TDRKH: variants seen among roughly 807,000 people sequenced by gnomAD.
The protein encoded by TDRKH is tudor and KH domain-containing protein.
TDRKH carries 28 observed loss-of-function variants against 61.3 expected under a neutral mutation model. That is an observed-to-expected ratio of 0.46 (90% CI 0.34 to 0.63). The LOEUF is 0.63. Ranked by LOEUF, TDRKH falls within the 20% of genes least tolerant of loss-of-function variation. TDRKH has a pLI of 0.01. For missense variants in TDRKH, 540 were observed against 683.4 expected (o/e 0.79, Z 2.34); for synonymous variants, 219 against 244.4 (o/e 0.90, Z 0.97).
downstream of TDRKH, chr1:151,771,523 G>T: frequency 2.4e-6 from 1 of 411,622 alleles, no homozygotes. Context: ...ACCATTTACT[G>T]AGCACTAATC....
chr1:151,778,352 T>C (rs2101592623), intron 6 of TDRKH, among the ~76,000 whole-genome samples: 1 of 152,338 alleles, frequency 6.6e-6, no homozygotes, highest in South Asian at 2.1e-4. Context: ...AAGAAGTAGT[T>C]CAGGTTGGGT....
chr1:151,789,769 G>A (rs1650723562), intron 1 of TDRKH, among the ~76,000 whole-genome samples: 1 of 152,042 alleles, frequency 6.6e-6, no homozygotes, highest in Non-Finnish European at 1.5e-5. Flanking sequence ...CCTACAACAT[G>A]GTGACATGCT....
chr1:151,776,001 TTCCCTTCCAAATCC>T, intron 8 of TDRKH, 81 bp downstream of exon 8: 1 of 1,568,764 alleles, frequency 6.4e-7, no homozygotes, highest in Non-Finnish European at 8.7e-7. Flanking sequence ...TGTAAACAGG[TTCCCTTCCAAATCC>T]CCCTGACAAC....
downstream of TDRKH, chr1:151,768,201 A>AT (rs745866473): frequency 1.9e-6 from 3 of 1,613,566 alleles, no homozygotes; most frequent in Non-Finnish European, 2.5e-6. Flanking sequence ...TGGATATCCC[A>AT]TATCAGGCCT....
chr1:151,774,984 CA>C (rs1452233798), intron 11 of TDRKH, 80 bp downstream of exon 11: 2 of 1,465,396 alleles, frequency 1.4e-6, no homozygotes, highest in African/African-American at 1.4e-5. Context: ...AAAGCTAACA[CA>C]GTATCAGGAC....
intron 6 of TDRKH, among the ~76,000 whole-genome samples, chr1:151,777,384 T>A (rs1168763119): frequency 6.6e-6 from 1 of 151,996 alleles, no homozygotes; most frequent in Non-Finnish European, 1.5e-5. Context: ...AGGCGGAGGT[T>A]GCAGTGAGCC....
chr1:151,782,709 A>T, intron 2 of TDRKH, 190 bp downstream of exon 2: 1 of 515,378 alleles, frequency 1.9e-6, no homozygotes, highest in Non-Finnish European at 3.0e-6. Flanking sequence ...GGTCGACACT[A>T]CAGTGAGCCA....
intron 1 of TDRKH, among the ~76,000 whole-genome samples, chr1:151,788,669 T>A (rs1323137949): frequency 4.6e-5 from 7 of 152,220 alleles, no homozygotes. Flanking sequence ...AGCTCATTAG[T>A]CATTTCTACA....
In TDRKH at chr1:151,787,751, T is replaced by C. The variant is rs965426942; in HGVS notation, c.-28+2629A>G. On this transcript the variant is annotated intron_variant, in intron 1 of 12. Coordinates refer to ENST00000368824, the MANE Select transcript of TDRKH (RefSeq NM_001083965.2). ...CTTTGAGAGGCTAAGGTAGGAGGAC[T>C]GCTTGAGACCAAGTATTCAAGACTA... Among the ~76,000 whole-genome samples, 21 of 137,336 alleles carry C rather than the reference T, an allele frequency of 1.5e-4. 1 individual carries two copies. The highest frequency in any genetic ancestry group is 4.7e-4 in the African/African-American group (17 of 36,222). The allele number at this position is 137,336 out of a possible 152,430, so 90.1% of individuals were successfully genotyped here.
chr1:151,767,182 G>A (rs1648395574), downstream of TDRKH: 1 of 1,613,904 alleles, frequency 6.2e-7, no homozygotes, highest in Non-Finnish European at 8.5e-7. Flanking sequence ...TAAGGAAGAG[G>A]AGGACTTGAC....
chr1:151,776,553 G>T lies in TDRKH; in HGVS notation c.930C>A (p.Val310=). ...FSFHADEYLE[V]YVSASEHPNH... ...TAGGGTGCTCAGAAGCAGAAACGTA[G>T]ACTTCTAGGTACTCATCAGCATGAA... The change falls in exon 7 of 13, where the codon GTC becomes GTA. Residue 310 remains valine, a synonymous_variant. Coordinates refer to ENST00000368824, the MANE Select transcript of TDRKH (RefSeq NM_001083965.2). The T allele has an allele frequency of 6.2e-7, 1 of 1,614,138 alleles. No homozygotes were observed. The highest frequency in any genetic ancestry group is 8.5e-7 in the Non-Finnish European group (1 of 1,180,026).
intron 1 of TDRKH, among the ~76,000 whole-genome samples, chr1:151,789,358 G>C (rs1421081493): frequency 6.6e-6 from 1 of 152,154 alleles, no homozygotes; most frequent in African/African-American, 2.4e-5. Flanking sequence ...TTCTCTTAAA[G>C]AGAAATGGAA....
chr1:151,768,742 T>C (rs1351738588), downstream of TDRKH, among the ~76,000 whole-genome samples: 2 of 152,092 alleles, frequency 1.3e-5, no homozygotes, highest in Non-Finnish European at 2.9e-5. Context: ...CATAGGACAA[T>C]AGTGGAGGGA....
downstream of TDRKH, chr1:151,766,923 A>G (rs1419291453): frequency 1.9e-6 from 3 of 1,538,956 alleles, no homozygotes; most frequent in Non-Finnish European, 2.7e-6. Context: ...AGTTGTTTAT[A>G]TAAAATGTAA....
chr1:151,775,364 G>A, intron 10 of TDRKH, 28 bp downstream of exon 10: 1 of 1,601,334 alleles, frequency 6.2e-7, no homozygotes, highest in Non-Finnish European at 8.5e-7. Context: ...TGAAGATATG[G>A]CAAGCAGTGA....
chr1:151,788,949 TGAG>T (rs911255650), intron 1 of TDRKH, among the ~76,000 whole-genome samples: 46 of 152,292 alleles, frequency 3.0e-4, no homozygotes, highest in African/African-American at 8.9e-4. Context: ...GTGTCCGTGG[TGAG>T]GAGAATGAAT....
downstream of TDRKH, chr1:151,770,987 G>T (rs1648672584): frequency 6.7e-7 from 1 of 1,492,004 alleles, no homozygotes; most frequent in Admixed American, 2.4e-5. Flanking sequence ...GCTTCCCAGG[G>T]CCACTCCCTA....
chr1:151,782,464 T>G (rs1173813575), intron 2 of TDRKH, among the ~76,000 whole-genome samples: 1 of 150,510 alleles, frequency 6.6e-6, no homozygotes, highest in African/African-American at 2.4e-5. Context: ...AAAAAAAGAC[T>G]AAATAATTTT....
chr1:151,773,623 T>G lies in TDRKH; in HGVS notation c.*829A>C, dbSNP rs1345831922. ...ATATTATACTAGCAATTTAGAAAAT[T>G]TCCTGAGCCTCCTGTCTCCTTTCTA... On this transcript the variant is annotated 3_prime_UTR_variant, in exon 13 of 13. Coordinates refer to ENST00000368824, the MANE Select transcript of TDRKH (RefSeq NM_001083965.2). 1 of 152,404 alleles carries G rather than the reference T, an allele frequency of 6.6e-6. No homozygotes were observed. Among genetic ancestry groups the G allele is most frequent in the East Asian group, 1.9e-4 (1 of 5,200 alleles). 9.4% of individuals were successfully genotyped at this position (152,404 alleles called of 1,614,324 possible). A position where few individuals can be genotyped will look rare whatever the true frequency, so the allele number is the denominator to read the frequency against.
Sources: allele counts gnomAD v4.1 joint callset (sites outside exome capture counted in the v4.1 genomes callset), GRCh38; gene constraint gnomAD v4.1.1; transcripts MANE v1.5; gene names NCBI Gene and HGNC (gene_info 2026-07-23, HGNC 2026-07-21).